KCNB2: variants seen among roughly 807,000 people sequenced by gnomAD.
KCNB2 encodes the protein potassium voltage-gated channel subfamily B member 2, also known as delayed rectifier potassium channel protein.
A neutral mutation model predicts 61.5 loss-of-function variants in KCNB2; 15 were observed. That is an observed-to-expected ratio of 0.24 (90% CI 0.16 to 0.38). The LOEUF is 0.38. KCNB2 is among the 10% of genes least tolerant of loss of function. KCNB2 has a pLI of 1.00. For synonymous variants in KCNB2, 457 were observed against 446.0 expected, an observed-to-expected ratio of 1.02 and a Z score of -0.31; for missense variants, 828 against 1,125.2, an observed-to-expected ratio of 0.74 and a Z score of 3.78.
chr8:72,614,788 C>T (rs901818909), intron 2 of KCNB2, among the ~76,000 whole-genome samples: 7 of 152,152 alleles, frequency 4.6e-5, no homozygotes, highest in Non-Finnish European at 1.0e-4. Flanking sequence ...CCTGTCCCCA[C>T]TCCATTCTGA....
intron 2 of KCNB2, among the ~76,000 whole-genome samples, chr8:72,708,142 C>A (rs1449876949): frequency 6.6e-6 from 1 of 152,114 alleles, no homozygotes; most frequent in Non-Finnish European, 1.5e-5. Context: ...TGCTGGAGTG[C>A]AAAGGAACCT....
chr8:72,717,923 G>A (rs536674650), intron 2 of KCNB2, among the ~76,000 whole-genome samples: 1,738 of 152,150 alleles, frequency 0.011, 29 homozygotes, highest in African/African-American at 0.04. Flanking sequence ...ATCTGACAAA[G>A]GGCTAATATC....
chr8:72,684,563 C>A (rs893303727), intron 2 of KCNB2, among the ~76,000 whole-genome samples: 1 of 152,054 alleles, frequency 6.6e-6, no homozygotes, highest in Non-Finnish European at 1.5e-5. Context: ...CCCTCCTCAC[C>A]CCCACCTACC....
At chr8:72,570,739 A>G (rs1158184349) in intron 2 of KCNB2, among the ~76,000 whole-genome samples, 2 of 152,202 alleles carry the variant, frequency 1.3e-5, no homozygotes, top group East Asian at 3.9e-4. Flanking sequence ...GCTATTTTCT[A>G]TGTTGTGAAG....
chr8:72,802,709 C>T (rs192541276), intron 2 of KCNB2, among the ~76,000 whole-genome samples: 36 of 152,220 alleles, frequency 2.4e-4, no homozygotes, highest in African/African-American at 7.9e-4. Flanking sequence ...CTTAGGGAGC[C>T]ACCTTATTGC....
intron 2 of KCNB2, among the ~76,000 whole-genome samples, chr8:72,645,501 G>A (rs1232428794): frequency 6.6e-6 from 1 of 152,002 alleles, no homozygotes; most frequent in East Asian, 1.9e-4. Flanking sequence ...ACTGCTAAAG[G>A]CAGACCCAGA....
chr8:72,859,706 C>CTTTTTTTT lies in KCNB2; in HGVS notation c.580-76229_580-76228insTTTTTTTT, dbSNP rs1810264452. 1.5e-3 allele frequency among the ~76,000 whole-genome samples: 111 copies of CTTTTTTTT among 73,446 alleles called. 36 individuals carry two copies. The highest frequency in any genetic ancestry group is 4.1e-3 in the African/African-American group (69 of 17,018). The allele number at this position is 73,446 out of a possible 152,430, so 48.2% of individuals were successfully genotyped here. ...TGTAGCATGGATCAGTACTTCATTT[C>CTTTTTTTT]GTTTTTTTTTTTTTTTTTTTTTTTT... On this transcript the variant is annotated intron_variant, in intron 2 of 2. Coordinates refer to ENST00000523207, the MANE Select transcript of KCNB2 (RefSeq NM_004770.3).
At chr8:72,574,741 T>C (rs1806769266) in intron 2 of KCNB2, among the ~76,000 whole-genome samples, 1 of 152,216 alleles carries the variant, frequency 6.6e-6, no homozygotes, top group East Asian at 1.9e-4. Flanking sequence ...TACTTAGTGT[T>C]ATCACAAAAT....
At chr8:72,765,216 G>A (rs1251379290) in intron 2 of KCNB2, among the ~76,000 whole-genome samples, 1 of 152,200 alleles carries the variant, frequency 6.6e-6, no homozygotes, top group Non-Finnish European at 1.5e-5. Context: ...ACCCAGAGTT[G>A]TCTGTCAACA....
intron 1 of KCNB2, among the ~76,000 whole-genome samples, chr8:72,562,590 A>G (rs1299531012): frequency 6.6e-6 from 1 of 152,238 alleles, no homozygotes; most frequent in Non-Finnish European, 1.5e-5. Context: ...ATATTCACTA[A>G]GATTTTGCCC....
intron 2 of KCNB2, among the ~76,000 whole-genome samples, chr8:72,734,011 A>G (rs1807796065): frequency 6.6e-6 from 1 of 152,096 alleles, no homozygotes; most frequent in South Asian, 2.1e-4. Context: ...ACTCTCCTCA[A>G]TCGTCTCCCA....
intron 2 of KCNB2, among the ~76,000 whole-genome samples, chr8:72,587,241 A>G (rs978098565): frequency 5.9e-5 from 9 of 152,110 alleles, no homozygotes; most frequent in African/African-American, 1.7e-4. Context: ...ATAACAATCC[A>G]CTTGTCAGCC....
At chr8:72,750,006 A>G (rs1808161241) in intron 2 of KCNB2, among the ~76,000 whole-genome samples, 1 of 151,636 alleles carries the variant, frequency 6.6e-6, no homozygotes, top group African/African-American at 2.4e-5. Flanking sequence ...ACTAGAGTGA[A>G]TTTTGTGTTT....
At chr8:72,931,611 G>A (rs577066712) in intron 2 of KCNB2, among the ~76,000 whole-genome samples, 1 of 152,266 alleles carries the variant, frequency 6.6e-6, no homozygotes, top group South Asian at 2.1e-4. Flanking sequence ...TCTGTTATTG[G>A]TGTATAAGAA....
intron 2 of KCNB2, among the ~76,000 whole-genome samples, chr8:72,815,229 G>A (rs954759643): frequency 2.6e-5 from 4 of 152,110 alleles, no homozygotes; most frequent in Non-Finnish European, 5.9e-5. Flanking sequence ...GAGTAAAACA[G>A]AGAAGTGGGA....
chr8:72,806,829 A>T (rs952800443), intron 2 of KCNB2, among the ~76,000 whole-genome samples: 2 of 152,144 alleles, frequency 1.3e-5, no homozygotes, highest in Non-Finnish European at 2.9e-5. Flanking sequence ...TAAACAGAGA[A>T]ATTAGCAAAC....
chr8:72,646,239 G>C (rs1263879978), intron 2 of KCNB2, among the ~76,000 whole-genome samples: 2 of 151,834 alleles, frequency 1.3e-5, no homozygotes, highest in African/African-American at 4.8e-5. Flanking sequence ...TATTAATGCT[G>C]TTTGAATTAT....
chr8:72,894,971 G>A lies in KCNB2; in HGVS notation c.580-40964G>A, dbSNP rs146044033. Reference sequence around the variant, plus strand: ...TTTCCCTAGATCCCTTAAGTGCAGGGACTGAGATCATAAATATTCCTGTGA... The same window carrying A: ...TTTCCCTAGATCCCTTAAGTGCAGGAACTGAGATCATAAATATTCCTGTGA... On this transcript the variant is annotated intron_variant, in intron 2 of 2. Transcript: ENST00000523207. Among the ~76,000 whole-genome samples, 263 of 152,198 alleles carry A rather than the reference G, an allele frequency of 1.7e-3. 1 individual carries two copies. The highest frequency in any genetic ancestry group is 6.1e-3 in the African/African-American group (255 of 41,546).
At chr8:72,664,926 GT>G (rs372672537) in intron 2 of KCNB2, among the ~76,000 whole-genome samples, 1 of 152,282 alleles carries the variant, frequency 6.6e-6, no homozygotes, top group African/African-American at 2.4e-5. Context: ...ACAAAAGCCC[GT>G]GGCAGGAGAA....
Sources: gnomAD v4.1 joint callset for allele counts (sites outside exome capture counted in the v4.1 genomes callset) on GRCh38, gnomAD v4.1.1 for gene constraint, MANE v1.5 for transcripts, NCBI Gene and HGNC (gene_info 2026-07-23, HGNC 2026-07-21) for gene names.